NECTIN3: variants seen among roughly 807,000 people sequenced by gnomAD.
NECTIN3 encodes the protein nectin cell adhesion molecule 3, also known as nectin-3.
Under a neutral mutation model 49.4 loss-of-function variants are expected in NECTIN3, and 8 were observed. The observed-to-expected ratio is 0.16, with a 90% CI of 0.10 to 0.29. The LOEUF is 0.29. NECTIN3 is among the 10% of genes least tolerant of loss of function. The probability of loss-of-function intolerance (pLI) is 1.00; values close to 1 mark genes in which losing one functional copy is unlikely to be tolerated. For synonymous variants in NECTIN3, 277 were observed against 241.1 expected, an observed-to-expected ratio of 1.15 and a Z score of -1.38; for missense variants, 581 against 654.6, an observed-to-expected ratio of 0.89 and a Z score of 1.23.
At chr3:111,168,485 C>T (rs2035366717) in intron 7 of NECTIN3, among the ~76,000 whole-genome samples, 1 of 152,042 alleles carries the variant, frequency 6.6e-6, no homozygotes, top group South Asian at 2.1e-4. Flanking sequence ...TCTGTATACA[C>T]ACATATATAT....
intron 1 of NECTIN3, among the ~76,000 whole-genome samples, chr3:111,107,313 T>A (rs1036441030): frequency 1.3e-5 from 2 of 152,196 alleles, no homozygotes. Flanking sequence ...AGTGTTTTTG[T>A]GGAGCTACAG....
intron 1 of NECTIN3, chr3:111,072,629 C>T (rs2030865884): frequency 1.0e-5 from 15 of 1,484,172 alleles, no homozygotes; most frequent in Non-Finnish European, 1.3e-5. Flanking sequence ...GTCCACTTCT[C>T]ATGGCCTTCC....
intron 5 of NECTIN3, among the ~76,000 whole-genome samples, chr3:111,129,490 T>G (rs2034298043): frequency 6.6e-6 from 1 of 152,178 alleles, no homozygotes; most frequent in Non-Finnish European, 1.5e-5. Context: ...ACAGTTTTGT[T>G]GCATGAATGA....
chr3:111,082,287 G>A (rs1355610487), intron 1 of NECTIN3, among the ~76,000 whole-genome samples: 1 of 152,088 alleles, frequency 6.6e-6, no homozygotes, highest in Non-Finnish European at 1.5e-5. Flanking sequence ...GGTGAGGTAC[G>A]AGGGGTAGGA....
intron 1 of NECTIN3, among the ~76,000 whole-genome samples, chr3:111,110,129 G>A (rs970077016): frequency 6.6e-6 from 1 of 151,790 alleles, no homozygotes; most frequent in African/African-American, 2.4e-5. Context: ...GATTTTGCAG[G>A]TAATAGATTT....
intron 1 of NECTIN3, among the ~76,000 whole-genome samples, chr3:111,192,808 T>A (rs1453855562): frequency 6.6e-6 from 1 of 152,208 alleles, no homozygotes; most frequent in East Asian, 1.9e-4. Context: ...AGTCGAGGTT[T>A]CTTTTGTTTG....
Position 111,133,866 on chromosome 3 carries a change from T to C in NECTIN3, c.1301T>C (p.Phe434Ser), listed in dbSNP as rs1454496622. ...TTCTGCTATAGGAGAAGACGGACGT[T>C]TCGTGGAGACTACTTTGCCAAGAAC... ...GIFCYRRRRT[F>S]RGDYFAKNYI... The change falls in exon 6 of 6, where the codon TTT (phenylalanine) becomes TCT (serine). Residue 434 changes from phenylalanine to serine, a missense_variant. Physicochemically the swap from Phe to Ser is radical, Grantham distance 155. Coordinates refer to ENST00000485303, the MANE Select transcript of NECTIN3 (RefSeq NM_015480.3). 1 of 1,613,826 alleles carries C rather than the reference T, an allele frequency of 6.2e-7. No homozygotes were observed. The highest frequency in any genetic ancestry group is 8.5e-7 in the Non-Finnish European group (1 of 1,179,880).
In NECTIN3 at chr3:111,133,518, T is replaced by C; in HGVS notation, c.1070-117T>C. ...TAATCAAATTAAGAATGAAAAACTATTGTTACTATGAATATATATTCATTA... is the reference window on the plus strand; with the variant it reads ...TAATCAAATTAAGAATGAAAAACTACTGTTACTATGAATATATATTCATTA... On this transcript the variant is annotated intron_variant, in intron 5 of 5. Transcript: ENST00000485303. The C allele has an allele frequency of 2.2e-6, 3 of 1,361,200 alleles. No homozygotes were observed. In the East Asian group the frequency reaches 7.6e-5, roughly 34 times the overall value. The allele number at this position is 1,361,200 out of a possible 1,614,324, so 84.3% of individuals were successfully genotyped here. A position where few individuals can be genotyped will look rare whatever the true frequency, so the allele number is the denominator to read the frequency against.
intron 7 of NECTIN3, among the ~76,000 whole-genome samples, chr3:111,172,534 A>C (rs1005732024): frequency 1.3e-5 from 2 of 152,172 alleles, no homozygotes; most frequent in African/African-American, 4.8e-5. Context: ...ATTTCTTCAA[A>C]CCTTACTTAA....
intron 1 of NECTIN3, among the ~76,000 whole-genome samples, chr3:111,086,240 T>C (rs1350085452): frequency 6.6e-6 from 1 of 152,184 alleles, no homozygotes; most frequent in South Asian, 2.1e-4. Flanking sequence ...ACTCTGGCCA[T>C]TTCACTCTGT....
intron 2 of NECTIN3, among the ~76,000 whole-genome samples, chr3:111,113,082 G>C (rs1181374882): frequency 6.6e-6 from 1 of 152,156 alleles, no homozygotes; most frequent in East Asian, 1.9e-4. Flanking sequence ...TGGCAGTGTG[G>C]GTAGCTGACA....
chr3:111,127,003 C>G (rs1250059929), intron 5 of NECTIN3, among the ~76,000 whole-genome samples: 1 of 152,000 alleles, frequency 6.6e-6, no homozygotes, highest in East Asian at 1.9e-4. Flanking sequence ...CTGGTTGTGG[C>G]TGCAAGTAAT....
chr3:111,074,460 A>T (rs2031033848), intron 1 of NECTIN3, among the ~76,000 whole-genome samples: 1 of 152,128 alleles, frequency 6.6e-6, no homozygotes. Context: ...TATGACATAT[A>T]GATTTTTCCT....
chr3:111,081,374 A>T lies in NECTIN3; in HGVS notation c.160+9197A>T, dbSNP rs1176596854. ...GAAAGGACTCTTCTAGGCTCCTTGG[A>T]GTCTTTGCCCTTAAGAAATGTAAAA... On this transcript the variant is annotated intron_variant, in intron 1 of 5. Transcript: ENST00000485303. Among the ~76,000 whole-genome samples the T allele has an allele frequency of 3.8e-4, 58 of 152,230 alleles. 1 individual carries two copies. Among genetic ancestry groups the T allele is most frequent in the Admixed American group, 3.7e-3 (57 of 15,278 alleles).
At chr3:111,072,202 T>A (rs879241899) in intron 1 of NECTIN3, 25 bp downstream of exon 1, 4 of 1,531,788 alleles carry the variant, frequency 2.6e-6, no homozygotes, top group East Asian at 2.5e-5. Context: ...GCGGCCGGCG[T>A]GGGCTGAGGG....
At chr3:111,110,230 A>G (rs1189301429) in intron 1 of NECTIN3, among the ~76,000 whole-genome samples, 1 of 151,878 alleles carries the variant, frequency 6.6e-6, no homozygotes, top group Non-Finnish European at 1.5e-5. Context: ...CAGTTGAACA[A>G]TGATAGTGCA....
Position 111,135,294 on chromosome 3 carries a change from A to G in NECTIN3, c.*1079A>G. Reference sequence around the variant, plus strand: ...TAGAATTAGTCGGTAACACTTGCTAATGGACATTGGCATTCATCTCCTTTT... The same window carrying G: ...TAGAATTAGTCGGTAACACTTGCTAGTGGACATTGGCATTCATCTCCTTTT... On this transcript the variant is annotated 3_prime_UTR_variant, in exon 6 of 6. Transcript: ENST00000485303. 2 of 962,030 alleles carry G rather than the reference A, an allele frequency of 2.1e-6. No homozygotes were observed. Among genetic ancestry groups the G allele is most frequent in the Non-Finnish European group, 2.5e-6 (2 of 809,018 alleles). 59.6% of individuals were successfully genotyped at this position (962,030 alleles called of 1,614,324 possible).
At chr3:111,169,194 A>G (rs2035385917) in intron 7 of NECTIN3, among the ~76,000 whole-genome samples, 1 of 139,198 alleles carries the variant, frequency 7.2e-6, no homozygotes, top group African/African-American at 2.7e-5. Context: ...GGTTCACGCC[A>G]TTCTCCTGCC....
At chr3:111,094,186 CAAA>C (rs200284641) in intron 1 of NECTIN3, among the ~76,000 whole-genome samples, 3 of 149,964 alleles carry the variant, frequency 2.0e-5, no homozygotes, top group Admixed American at 6.6e-5. Flanking sequence ...AAAGACAAAA[CAAA>C]AAAAAACTGT....
Sources: allele counts gnomAD v4.1 joint callset (sites outside exome capture counted in the v4.1 genomes callset), GRCh38; gene constraint gnomAD v4.1.1; transcripts MANE v1.5; gene names NCBI Gene and HGNC (gene_info 2026-07-23, HGNC 2026-07-21).